The following IQCK variants were observed in gnomAD, a reference collection of about 807,000 sequenced individuals.
IQCK encodes the protein IQ motif containing K.
IQCK carries 29 observed loss-of-function variants against 28.1 expected under a neutral mutation model. The ratio of observed to expected loss-of-function variants is 1.03; its 90% CI spans 0.77 to 1.41. IQCK has a LOEUF of 1.41. Ranked by LOEUF, IQCK falls within the 40% of genes most tolerant of loss-of-function variation. The pLI, the probability that IQCK is intolerant of heterozygous loss-of-function variation, is 0.00. For synonymous variants in IQCK, 113 were observed against 115.1 expected, an observed-to-expected ratio of 0.98 and a Z score of 0.12; for missense variants, 359 against 314.7, an observed-to-expected ratio of 1.14 and a Z score of -1.07.
chr16:19,771,260 T>C (rs2055316592), intron 6 of IQCK, among the ~76,000 whole-genome samples: 1 of 152,100 alleles, frequency 6.6e-6, no homozygotes, highest in Non-Finnish European at 1.5e-5. Flanking sequence ...GCCAGCTAAT[T>C]TTTGTATTTT....
At chr16:19,835,587 CTT>C (rs372317479) in intron 9 of IQCK, among the ~76,000 whole-genome samples, 10 of 138,836 alleles carry the variant, frequency 7.2e-5, no homozygotes, top group Non-Finnish European at 9.4e-5. Flanking sequence ...CTTTTCTTTT[CTT>C]TTTTTTTTTT....
intron 4 of IQCK, among the ~76,000 whole-genome samples, chr16:19,746,051 C>G (rs1278912933): frequency 6.6e-6 from 1 of 151,906 alleles, no homozygotes; most frequent in Non-Finnish European, 1.5e-5. Flanking sequence ...TGCCTGTAAT[C>G]CCAGCTGCTC....
At position 19,736,242 on chromosome 16, in the gene IQCK, C is replaced by T. The variant is rs1042360868; in HGVS notation, c.474+792C>T. 1.6e-5 allele frequency: 7 copies of T among 443,372 alleles called. No homozygotes were observed. The Middle Eastern group carries it at 1.3e-3, about 85-fold the overall frequency. The allele number at this position is 443,372 out of a possible 1,614,324, so 27.5% of individuals were successfully genotyped here. On this transcript the variant is annotated intron_variant, in intron 4 of 7. Transcript: ENST00000564186. The stretch of plus-strand genomic sequence containing the variant: ...ACATCACACTGCAGAGAATCAGCTT[C>T]TCTGCAGGGAAGTTTTAGTTTAGTA...
chr16:19,835,591 T>C (rs2056285249), intron 9 of IQCK, among the ~76,000 whole-genome samples: 1 of 150,866 alleles, frequency 6.6e-6, no homozygotes, highest in Non-Finnish European at 1.5e-5. Flanking sequence ...TCTTTTCTTT[T>C]TTTTTTTTTT....
intron 6 of IQCK, among the ~76,000 whole-genome samples, chr16:19,784,593 A>G (rs1259726236): frequency 2.0e-5 from 3 of 152,168 alleles, no homozygotes; most frequent in Non-Finnish European, 4.4e-5. Flanking sequence ...GGAGATACCA[A>G]GAGGAGCAAA....
In IQCK at chr16:19,792,881, A is replaced by G. The variant is rs977116142; in HGVS notation, c.690+3959A>G. Among the ~76,000 whole-genome samples the G allele has an allele frequency of 1.7e-5, 2 of 115,720 alleles. 1 individual carries two copies. The highest frequency in any genetic ancestry group is 4.3e-4 in the East Asian group (2 of 4,648). The allele number at this position is 115,720 out of a possible 152,430, so 75.9% of individuals were successfully genotyped here. A position where few individuals can be genotyped will look rare whatever the true frequency, so the allele number is the denominator to read the frequency against. The stretch of plus-strand genomic sequence containing the variant: ...GGCGTGAGCCACTGCACCCGGCCAC[A>G]CTGAACACATTTTTTTACAAAGAGA... On this transcript the variant is annotated intron_variant, in intron 7 of 7. Coordinates refer to ENST00000564186, the Ensembl canonical transcript of IQCK.
At chr16:19,823,140 T>A (rs2056098984) in intron 7 of IQCK, among the ~76,000 whole-genome samples, 1 of 152,044 alleles carries the variant, frequency 6.6e-6, no homozygotes. Flanking sequence ...AGCCCAGGCT[T>A]GGGCTCCCTC....
intron 7 of IQCK, among the ~76,000 whole-genome samples, chr16:19,814,497 G>C (rs1403901759): frequency 1.3e-4 from 20 of 151,974 alleles, no homozygotes; most frequent in Non-Finnish European, 2.9e-4. Context: ...AAGCAGGATA[G>C]AAAAAGACAA....
intron 6 of IQCK, among the ~76,000 whole-genome samples, chr16:19,775,900 G>C (rs1392576229): frequency 1.8e-5 from 1 of 56,378 alleles, no homozygotes; most frequent in African/African-American, 6.1e-5. Context: ...TTTTTTTTTT[G>C]AGAAGGAGTC....
At chr16:19,837,219 A>C (rs1209025609) in intron 9 of IQCK, among the ~76,000 whole-genome samples, 1 of 152,052 alleles carries the variant, frequency 6.6e-6, no homozygotes, top group Non-Finnish European at 1.5e-5. Context: ...CCCGGGCAAC[A>C]CAGAGAGACT....
At chr16:19,724,757 C>G (rs1476035073) in intron 1 of IQCK, among the ~76,000 whole-genome samples, 1 of 152,166 alleles carries the variant, frequency 6.6e-6, no homozygotes, top group Non-Finnish European at 1.5e-5. Flanking sequence ...TGGTCTCAAT[C>G]TCCTGACCTT....
intron 6 of IQCK, among the ~76,000 whole-genome samples, chr16:19,781,887 G>A (rs537686623): frequency 1.3e-5 from 2 of 152,054 alleles, no homozygotes; most frequent in African/African-American, 4.8e-5. Flanking sequence ...TACTCGGGAG[G>A]CTGAGGAAGG....
At chr16:19,806,058 A>G (rs1435453295) in intron 7 of IQCK, among the ~76,000 whole-genome samples, 3 of 152,140 alleles carry the variant, frequency 2.0e-5, no homozygotes, top group Non-Finnish European at 4.4e-5. Context: ...CTCGGCTACT[A>G]TTTTAGATGG....
chr16:19,729,648 T>C (rs1977767034), intron 1 of IQCK, among the ~76,000 whole-genome samples: 2 of 151,566 alleles, frequency 1.3e-5, no homozygotes, highest in Non-Finnish European at 2.9e-5. Context: ...TATTTATTTA[T>C]TTTTTATTTT....
chr16:19,732,573 G>A (rs533123837), intron 2 of IQCK, among the ~76,000 whole-genome samples: 2 of 152,106 alleles, frequency 1.3e-5, no homozygotes, highest in Non-Finnish European at 1.5e-5. Flanking sequence ...CGATCTTCCC[G>A]CCTTTTCCTC....
intron 4 of IQCK, among the ~76,000 whole-genome samples, chr16:19,740,554 A>G (rs1460528153): frequency 6.6e-6 from 1 of 152,146 alleles, no homozygotes; most frequent in African/African-American, 2.4e-5. Flanking sequence ...ACTTTTTCCT[A>G]TCTTGCTGTT....
Position 19,786,795 on chromosome 16 carries a change from A to AAG in IQCK, c.606-2025_606-2024dup, listed in dbSNP as rs755230072. Among the ~76,000 whole-genome samples, 276 of 98,972 alleles carry AAG rather than the reference A, an allele frequency of 2.8e-3. 6 individuals carry two copies. Among genetic ancestry groups the AAG allele is most frequent in the Admixed American group, 4.1e-3 (47 of 11,326 alleles). 64.9% of individuals were successfully genotyped at this position (98,972 alleles called of 152,430 possible). A position where few individuals can be genotyped will look rare whatever the true frequency, so the allele number is the denominator to read the frequency against. On this transcript the variant is annotated intron_variant, in intron 6 of 7. Coordinates refer to ENST00000564186, the Ensembl canonical transcript of IQCK. The stretch of plus-strand genomic sequence containing the variant: ...GGAAGAATCACCTAGAAAAGAAAGA[A>AAG]AGAGAGAGAGAGAGAGAGAAGGGAG...
chr16:19,719,069 C>T (rs984165270), intron 1 of IQCK, among the ~76,000 whole-genome samples: 2 of 152,140 alleles, frequency 1.3e-5, no homozygotes, highest in Non-Finnish European at 2.9e-5. Flanking sequence ...GTATTTGTTA[C>T]TTAGGTTGGG....
chr16:19,835,836 C>T (rs1004539867), intron 9 of IQCK, among the ~76,000 whole-genome samples: 3 of 152,118 alleles, frequency 2.0e-5, no homozygotes, highest in African/African-American at 7.2e-5. Flanking sequence ...CCACCTGCCT[C>T]GGCCTCTTAA....
Sources: allele counts gnomAD v4.1 joint callset (sites outside exome capture counted in the v4.1 genomes callset), GRCh38; gene constraint gnomAD v4.1.1; transcripts MANE v1.5; gene names NCBI Gene and HGNC (gene_info 2026-07-23, HGNC 2026-07-21).